The following SLC7A2 variants were observed in gnomAD, a reference collection of about 807,000 sequenced individuals.
SLC7A2 encodes the protein solute carrier family 7 member 2.
Under a neutral mutation model 58.9 loss-of-function variants are expected in SLC7A2, and 48 were observed. The observed-to-expected ratio is 0.82, with a 90% confidence interval of 0.65 to 1.04. The LOEUF (loss-of-function observed/expected upper bound fraction) is 1.04. Ranked by LOEUF, SLC7A2 falls within the 50% of genes least tolerant of loss-of-function variation. The probability of loss-of-function intolerance (pLI) is 0.00; values close to 1 mark genes in which losing one functional copy is unlikely to be tolerated. For synonymous variants in SLC7A2, 363 were observed against 314.5 expected (o/e 1.15, Z -1.63); for missense variants, 1,029 against 818.8 (o/e 1.26, Z -3.13).
At chr8:17,505,701 G>C (rs1441365331) in intron 2 of SLC7A2, among the ~76,000 whole-genome samples, 2 of 152,192 alleles carry the variant, frequency 1.3e-5, no homozygotes, top group Non-Finnish European at 2.9e-5. Context: ...AGCATAGTCA[G>C]TGCCCTCTTT....
In SLC7A2 at chr8:17,548,673, C is replaced by T. The variant is rs528286058; in HGVS notation, c.533-5C>T. 36 of 1,588,912 alleles carry T rather than the reference C, an allele frequency of 2.3e-5. No individual in the cohort carries two copies. In the Admixed American group the frequency reaches 2.6e-4, roughly 11 times the overall value. On this transcript the variant is annotated splice_region_variant and splice_polypyrimidine_tract_variant and intron_variant, in intron 4 of 12. Transcript: ENST00000494857. Reference sequence around the variant, plus strand: ...AATAAAAATTGAAATGCCCTTTTTCCATAGGTCTTTTGTCTTTTGGAGTAA... The same window carrying T: ...AATAAAAATTGAAATGCCCTTTTTCTATAGGTCTTTTGTCTTTTGGAGTAA...
At position 17,567,167 on chromosome 8, in the gene SLC7A2, C is replaced by A. The variant is rs1803302933; in HGVS notation, c.*2021C>A. 1.3e-5 allele frequency: 2 copies of A among 152,550 alleles called. No homozygotes were observed. Among genetic ancestry groups the A allele is most frequent in the Admixed American group, 6.5e-5 (1 of 15,272 alleles). 9.4% of individuals were successfully genotyped at this position (152,550 alleles called of 1,614,324 possible). ...TACTGGAGAGAAGGAGTTGGATAAG[C>A]ACAGGCTCGGGTATTTTGGTAGGGA... On this transcript the variant is annotated 3_prime_UTR_variant, in exon 13 of 13. Transcript: ENST00000494857.
At chr8:17,533,853 C>T (rs1801555198) in intron 2 of SLC7A2, among the ~76,000 whole-genome samples, 1 of 152,174 alleles carries the variant, frequency 6.6e-6, no homozygotes, top group South Asian at 2.1e-4. Context: ...CACCTGTCAA[C>T]CCATCACCTA....
chr8:17,562,678 T>C (rs951975983), intron 11 of SLC7A2, among the ~76,000 whole-genome samples: 2 of 152,172 alleles, frequency 1.3e-5, no homozygotes, highest in Non-Finnish European at 2.9e-5. Flanking sequence ...TCTACATTGG[T>C]CCTCTTACTG....
rs35052068 is a variant in SLC7A2 at position 17,547,785 on chromosome 8, AGTGTGTGTGTGTGTGTGT to A, written c.533-872_533-855del. ...GATTATATATTTACTGGCACAAAAG[AGTGTGTGTGTGTGTGTGT>A]GTGTGTGTGTGTGTGTGTGTTTACA... is the stretch of plus-strand genomic sequence containing the variant. On this transcript the variant is annotated intron_variant, in intron 4 of 12. Transcript: ENST00000494857. 5.7e-3 allele frequency among the ~76,000 whole-genome samples: 819 copies of A among 144,814 alleles called. 9 individuals are homozygous for A. The highest frequency in any genetic ancestry group is 0.02 in the African/African-American group (787 of 39,678).
chr8:17,507,725 A>G (rs1041527617), intron 2 of SLC7A2, among the ~76,000 whole-genome samples: 2 of 152,228 alleles, frequency 1.3e-5, no homozygotes, highest in Non-Finnish European at 2.9e-5. Context: ...AACTCTGTTA[A>G]TTTAACAATA....
At chr8:17,497,767 G>A (rs1012712175) in intron 1 of SLC7A2, among the ~76,000 whole-genome samples, 5 of 152,166 alleles carry the variant, frequency 3.3e-5, no homozygotes, top group Non-Finnish European at 7.3e-5. Context: ...CATTCTGCAG[G>A]GGACCTGGTA....
rs1357271333 is a variant in SLC7A2, at chr8:17,561,983, G to T, written c.1544G>T (p.Gly515Val). ...VLGLSVLTTY[G>V]VHAITRLEAW... is the part of the protein sequence containing the mutation. ...GGCCTGAGTGTCTTGACCACTTACG[G>T]AGTTCATGCCATCACCAGGCTGGAG... The change falls in exon 11 of 13, where the codon GGA becomes GTA. Residue 515 changes from glycine to valine, a missense_variant. Physicochemically the swap from Gly to Val is moderately radical, Grantham distance 109. Transcript: ENST00000494857. 3.7e-6 allele frequency: 6 copies of T among 1,614,098 alleles called. No individual in the cohort carries two copies. Among genetic ancestry groups the T allele is most frequent in the Non-Finnish European group, 5.1e-6 (6 of 1,180,026 alleles).
chr8:17,549,759 G>C (rs1802358224), intron 5 of SLC7A2, among the ~76,000 whole-genome samples: 1 of 151,844 alleles, frequency 6.6e-6, no homozygotes, highest in African/African-American at 2.4e-5. Context: ...TTCCAATAAG[G>C]GAAAAAATTG....
intron 10 of SLC7A2, among the ~76,000 whole-genome samples, chr8:17,561,243 T>C (rs1802966815): frequency 6.6e-6 from 1 of 152,098 alleles, no homozygotes. Context: ...CAAGACTGGG[T>C]AAATTATAAA....
At chr8:17,557,783 G>A (rs951924123) in intron 8 of SLC7A2, among the ~76,000 whole-genome samples, 2 of 152,048 alleles carry the variant, frequency 1.3e-5, no homozygotes, top group Admixed American at 6.6e-5. Flanking sequence ...AGCCGAGATC[G>A]CACCACTGCA....
intron 2 of SLC7A2, among the ~76,000 whole-genome samples, chr8:17,504,698 A>G (rs1417875960): frequency 1.3e-5 from 2 of 152,186 alleles, no homozygotes; most frequent in South Asian, 2.1e-4. Context: ...TACTCTTTTT[A>G]GGTAGAATTG....
At chr8:17,494,807 G>A (rs77317817), upstream of SLC7A2, among the ~76,000 whole-genome samples, 192 of 152,328 alleles carry the variant, frequency 1.3e-3, 1 homozygote, top group African/African-American at 4.3e-3. Flanking sequence ...AAGAACTAGT[G>A]TGTAAAGATA....
At chr8:17,537,330 G>T (rs925816693) in intron 2 of SLC7A2, among the ~76,000 whole-genome samples, 1 of 152,160 alleles carries the variant, frequency 6.6e-6, no homozygotes, top group African/African-American at 2.4e-5. Context: ...GGGATTACAG[G>T]CATGAGCCAC....
Position 17,560,496 on chromosome 8 carries a change from G to C in SLC7A2, c.1467G>C (p.Gln489His), listed in dbSNP as rs760857230. The part of the protein sequence containing the change: ...LFCPSLLPTQ[Q>H]SASLVSFLVG... ...GCCCCTCCCTTCTGCCAACACAGCA[G>C]TCAGCTTCTCTCGTGAGCTTTCTGG... The change falls in exon 10 of 13, where the codon CAG becomes CAC. Residue 489 changes from glutamine to histidine, a missense_variant. By Grantham distance (24) the Gln-to-His change is conservative. Coordinates refer to ENST00000494857, the MANE Select transcript of SLC7A2 (RefSeq NM_001370338.1). The C allele has an allele frequency of 8.1e-6, 13 of 1,613,952 alleles. No individual in the cohort carries two copies. In the South Asian group the frequency reaches 9.9e-5, roughly 12 times the overall value.
intron 2 of SLC7A2, among the ~76,000 whole-genome samples, chr8:17,530,537 G>A (rs1801405845): frequency 6.6e-6 from 1 of 151,856 alleles, no homozygotes; most frequent in South Asian, 2.1e-4. Flanking sequence ...AAGTTAGTTG[G>A]CAGAAGGCAG....
chr8:17,566,794 T>C lies in SLC7A2; in HGVS notation c.*1648T>C, dbSNP rs1803286476. 6.6e-6 allele frequency: 1 copy of C among 152,180 alleles called. No homozygotes were observed. Among genetic ancestry groups the C allele is most frequent in the Non-Finnish European group, 1.5e-5 (1 of 68,032 alleles). The allele number at this position is 152,180 out of a possible 1,614,324, so 9.4% of individuals were successfully genotyped here. A position where few individuals can be genotyped will look rare whatever the true frequency, so the allele number is the denominator to read the frequency against. The stretch of plus-strand genomic sequence containing the variant: ...ACTATTTCTCGTACAAATCATTAAA[T>C]AGTTCATTGGATGAGGCTGGGTGAC... On this transcript the variant is annotated 3_prime_UTR_variant, in exon 13 of 13. Coordinates refer to ENST00000494857, the MANE Select transcript of SLC7A2 (RefSeq NM_001370338.1).
intron 2 of SLC7A2, among the ~76,000 whole-genome samples, chr8:17,537,684 A>T (rs186090780): frequency 2.0e-5 from 3 of 152,264 alleles, no homozygotes; most frequent in Admixed American, 6.5e-5. Context: ...GACAGGTCCT[A>T]GCAGCTTGGG....
At chr8:17,564,925 A>AT (rs368013577) in intron 12 of SLC7A2, 25 bp from the exon 13 acceptor site, 22,198 of 1,119,252 alleles carry the variant, frequency 0.02, 79 homozygotes, top group African/African-American at 0.065. Context: ...TGAAACATTG[A>AT]TTTTTTTTTT....
Sources: gnomAD v4.1 joint callset for allele counts (sites outside exome capture counted in the v4.1 genomes callset) on GRCh38, gnomAD v4.1.1 for gene constraint, MANE v1.5 for transcripts, NCBI Gene and HGNC (gene_info 2026-07-23, HGNC 2026-07-21) for gene names.